The following CDH13 variants were observed in gnomAD, a reference collection of about 807,000 sequenced individuals.
The protein encoded by CDH13 is cadherin 13, also known as cadherin-13.
Under a neutral mutation model 63.8 loss-of-function variants are expected in CDH13, and 24 were observed. The observed-to-expected ratio is 0.38, with a 90% confidence interval of 0.27 to 0.53. The LOEUF (loss-of-function observed/expected upper bound fraction) is 0.53, where lower values mean the gene tolerates loss of function less well. Ranked by LOEUF, CDH13 falls within the 20% of genes least tolerant of loss-of-function variation. CDH13 has a pLI of 0.85. For missense variants in CDH13, 1,049 were observed against 903.1 expected (o/e 1.16, Z -2.07); for synonymous variants, 503 against 355.3 (o/e 1.42, Z -4.67).
chr16:82,910,458 T>G (rs1597193898), intron 2 of CDH13, among the ~76,000 whole-genome samples: 1 of 152,234 alleles, frequency 6.6e-6, no homozygotes, highest in African/African-American at 2.4e-5. Flanking sequence ...ACTTTAGATT[T>G]TTTTTGTATT....
rs149105984 is a variant in CDH13 at position 82,912,832 on chromosome 16, A to G, written c.157+54359A>G. Among the ~76,000 whole-genome samples, 98 of 152,114 alleles carry G rather than the reference A, an allele frequency of 6.4e-4. 1 individual carries two copies. Among genetic ancestry groups the G allele is most frequent in the African/African-American group, 2.2e-3 (93 of 41,520 alleles). Reference sequence around the variant, plus strand: ...GTGGCGGGCACCTGTAGTCCCAGCTACTTGGGAGGCTGAGGCAGGAGAATG... The same window carrying G: ...GTGGCGGGCACCTGTAGTCCCAGCTGCTTGGGAGGCTGAGGCAGGAGAATG... On this transcript the variant is annotated intron_variant, in intron 2 of 13. Transcript: ENST00000567109.
intron 3 of CDH13, among the ~76,000 whole-genome samples, chr16:83,122,981 C>T (rs2035652655): frequency 6.6e-6 from 1 of 152,102 alleles, no homozygotes; most frequent in African/African-American, 2.4e-5. Flanking sequence ...TCTGTATGTT[C>T]ACAAGTACCC....
At chr16:83,496,661 G>T (rs1194227440) in intron 7 of CDH13, among the ~76,000 whole-genome samples, 1 of 152,174 alleles carries the variant, frequency 6.6e-6, no homozygotes, top group East Asian at 1.9e-4. Flanking sequence ...ATTGACAAAT[G>T]GGATCTAATT....
chr16:83,105,763 G>A (rs866525832), intron 3 of CDH13, among the ~76,000 whole-genome samples: 4 of 152,204 alleles, frequency 2.6e-5, no homozygotes, highest in Admixed American at 1.3e-4. Context: ...CTGTACTGAA[G>A]AATGACGCAC....
chr16:82,999,416 C>T (rs954677724), intron 2 of CDH13, among the ~76,000 whole-genome samples: 5 of 152,000 alleles, frequency 3.3e-5, no homozygotes, highest in African/African-American at 9.7e-5. Flanking sequence ...GTTCTCTTAA[C>T]AGGGAAGAAA....
At chr16:83,531,018 G>C (rs1340605975) in intron 7 of CDH13, among the ~76,000 whole-genome samples, 1 of 152,196 alleles carries the variant, frequency 6.6e-6, no homozygotes, top group African/African-American at 2.4e-5. Context: ...AATGCTGGCA[G>C]TGTGTTTTCA....
chr16:83,153,931 T>G (rs1167933704), intron 4 of CDH13, among the ~76,000 whole-genome samples: 2 of 152,164 alleles, frequency 1.3e-5, no homozygotes, highest in Non-Finnish European at 2.9e-5. Context: ...TAGGGAAGAA[T>G]GAAGTTCAGT....
chr16:83,429,249 G>A (rs2072013895), intron 6 of CDH13, among the ~76,000 whole-genome samples: 1 of 152,298 alleles, frequency 6.6e-6, no homozygotes, highest in Middle Eastern at 3.4e-3. Flanking sequence ...TATGACAAGA[G>A]TGGCCCATTT....
At chr16:83,484,089 G>C (rs928053258) in intron 6 of CDH13, among the ~76,000 whole-genome samples, 1 of 152,194 alleles carries the variant, frequency 6.6e-6, no homozygotes, top group African/African-American at 2.4e-5. Flanking sequence ...AGCTGAGACT[G>C]CCTAACAAAT....
At chr16:83,217,236 C>G in intron 4 of CDH13, 109 bp from the exon 5 acceptor site, 1 of 1,028,372 alleles carries the variant, frequency 9.7e-7, no homozygotes, top group Non-Finnish European at 1.5e-6. Context: ...CACCAGGTAC[C>G]CATGTGCTGG....
chr16:83,756,023 T>C (rs191949049), intron 11 of CDH13, among the ~76,000 whole-genome samples: 17 of 152,286 alleles, frequency 1.1e-4, no homozygotes, highest in African/African-American at 3.6e-4. Context: ...TTCTGCAGCA[T>C]TGGAGATGTA....
chr16:83,463,166 G>A (rs995273295), intron 6 of CDH13, among the ~76,000 whole-genome samples: 1 of 152,182 alleles, frequency 6.6e-6, no homozygotes, highest in African/African-American at 2.4e-5. Context: ...ACCTGGGGCA[G>A]GGGCATTGAA....
Position 83,344,797 on chromosome 16 carries a change from A to C in CDH13, c.637-65A>C. On this transcript the variant is annotated intron_variant, in intron 5 of 13. Transcript: ENST00000567109. ...CGATATAACCTACTTTCTCTAGAGAACCTTATTTGAATTTTCATAATGAAT... is the reference window on the plus strand; with the variant it reads ...CGATATAACCTACTTTCTCTAGAGACCCTTATTTGAATTTTCATAATGAAT... The C allele has an allele frequency of 2.6e-6, 4 of 1,568,278 alleles. No homozygotes were observed. In the African/African-American group the frequency reaches 4.1e-5, roughly 16 times the overall value.
intron 2 of CDH13, among the ~76,000 whole-genome samples, chr16:82,929,768 A>C (rs955799005): frequency 3.3e-5 from 5 of 151,006 alleles, no homozygotes; most frequent in African/African-American, 1.2e-4. Flanking sequence ...CCACCTCCAG[A>C]GCTATAAGAA....
intron 3 of CDH13, among the ~76,000 whole-genome samples, chr16:83,073,563 C>G (rs2032609568): frequency 6.6e-6 from 1 of 152,040 alleles, no homozygotes; most frequent in African/African-American, 2.4e-5. Flanking sequence ...CCCTAAAACT[C>G]TCCTGAGAAT....
chr16:83,435,436 C>T (rs2072265340), intron 6 of CDH13, among the ~76,000 whole-genome samples: 1 of 152,164 alleles, frequency 6.6e-6, no homozygotes, highest in Non-Finnish European at 1.5e-5. Context: ...TCTGTGGCTC[C>T]CCGTTGCCCC....
intron 1 of CDH13, among the ~76,000 whole-genome samples, chr16:82,770,719 T>A (rs1272602653): frequency 6.6e-6 from 1 of 152,206 alleles, no homozygotes; most frequent in Non-Finnish European, 1.5e-5. Context: ...TATTTCCTTT[T>A]TTTCTGGAGA....
intron 1 of CDH13, among the ~76,000 whole-genome samples, chr16:82,655,412 G>A (rs1911185255): frequency 1.3e-5 from 2 of 152,088 alleles, no homozygotes; most frequent in African/African-American, 4.8e-5. Flanking sequence ...ATGGCCATGT[G>A]GATCTCAAAA....
At chr16:83,266,719 C>T (rs1907667134) in intron 5 of CDH13, among the ~76,000 whole-genome samples, 1 of 152,196 alleles carries the variant, frequency 6.6e-6, no homozygotes, top group Admixed American at 6.5e-5. Flanking sequence ...AGGTTCACAG[C>T]ACAACAAACA....
Sources: allele counts gnomAD v4.1 joint callset (sites outside exome capture counted in the v4.1 genomes callset), GRCh38; gene constraint gnomAD v4.1.1; transcripts MANE v1.5; gene names NCBI Gene and HGNC (gene_info 2026-07-23, HGNC 2026-07-21).